The following HIVEP3 variants were observed in gnomAD, a reference collection of about 807,000 sequenced individuals.
The protein encoded by HIVEP3 is HIVEP zinc finger 3, also known as transcription factor HIVEP3.
Under a neutral mutation model 152.8 loss-of-function variants are expected in HIVEP3, and 49 were observed. That is an observed-to-expected ratio of 0.32 (90% CI 0.26 to 0.41). The LOEUF (loss-of-function observed/expected upper bound fraction) is 0.41. HIVEP3 is among the 10% of genes least tolerant of loss of function. The pLI, the probability that HIVEP3 is intolerant of heterozygous loss-of-function variation, is 1.00. For missense variants in HIVEP3, 2,790 were observed against 3,103.3 expected, an observed-to-expected ratio of 0.90 and a Z score of 2.40; for synonymous variants, 1,269 against 1,289.0, an observed-to-expected ratio of 0.98 and a Z score of 0.33.
intron 2 of HIVEP3, among the ~76,000 whole-genome samples, chr1:41,680,684 C>T (rs1190511636): frequency 3.9e-5 from 6 of 152,316 alleles, no homozygotes; most frequent in South Asian, 4.1e-4. Flanking sequence ...CCTAATCAAC[C>T]GGCATCAAGT....
intron 1 of HIVEP3, among the ~76,000 whole-genome samples, chr1:41,866,289 G>A (rs1643971277): frequency 6.6e-6 from 1 of 152,244 alleles, no homozygotes; most frequent in African/African-American, 2.4e-5. Context: ...CAGCTTCAGG[G>A]ACAGGGGATG....
chr1:41,908,362 T>C (rs1644746360), intron 1 of HIVEP3, among the ~76,000 whole-genome samples: 1 of 152,196 alleles, frequency 6.6e-6, no homozygotes, highest in South Asian at 2.1e-4. Flanking sequence ...CTCAATATCA[T>C]TCACTTCTAG....
At chr1:41,658,136 C>T (rs1016596535) in intron 2 of HIVEP3, among the ~76,000 whole-genome samples, 3 of 152,148 alleles carry the variant, frequency 2.0e-5, no homozygotes, top group Admixed American at 6.6e-5. Flanking sequence ...CTGGAAGGTT[C>T]GAAAATGTTT....
At chr1:41,900,418 G>T (rs12070375) in intron 1 of HIVEP3, among the ~76,000 whole-genome samples, 2 of 152,196 alleles carry the variant, frequency 1.3e-5, no homozygotes, top group Non-Finnish European at 2.9e-5. Context: ...TCCCTTGGGG[G>T]TAGAGTATTT....
intron 1 of HIVEP3, among the ~76,000 whole-genome samples, chr1:41,975,097 C>T (rs1329247608): frequency 6.6e-6 from 1 of 152,146 alleles, no homozygotes; most frequent in Non-Finnish European, 1.5e-5. Flanking sequence ...ATATAAAGAC[C>T]TGGAGACCTG....
At chr1:41,720,019 CTG>C (rs1400115447) in intron 1 of HIVEP3, among the ~76,000 whole-genome samples, 1 of 152,204 alleles carries the variant, frequency 6.6e-6, no homozygotes, top group Non-Finnish European at 1.5e-5. Context: ...AGGACTCAAA[CTG>C]TGGAGCGGGG....
chr1:41,513,193 G>A lies in HIVEP3; in HGVS notation c.6028C>T (p.Pro2010Ser), dbSNP rs1642491039. 6.2e-7 allele frequency: 1 copy of A among 1,613,912 alleles called. No homozygotes were observed. The highest frequency in any genetic ancestry group is 1.1e-5 in the South Asian group (1 of 91,076). The change falls in exon 8 of 9, where the codon CCA becomes TCA. Residue 2010 changes from proline (P) to serine (S), a missense_variant. This residue lies in a region of HIVEP3 where 816 missense variants were observed against 806.5 expected (regional missense o/e 1.01). Coordinates refer to ENST00000372583, the MANE Select transcript of HIVEP3 (RefSeq NM_024503.5). ...CCTGGGTCCACGTGCAGGCCAGGTG[G>A]GCTTGGGGCTGAGGCCTGTGGTTCT... is the stretch of plus-strand genomic sequence containing the variant. ...AREPQASAPSPPGLHVDPGRG... is the reference protein window; with the variant it reads ...AREPQASAPSSPGLHVDPGRG...
chr1:41,947,276 C>T (rs1645080349), intron 1 of HIVEP3, among the ~76,000 whole-genome samples: 1 of 152,210 alleles, frequency 6.6e-6, no homozygotes, highest in South Asian at 2.1e-4. Flanking sequence ...GCCATCAAGC[C>T]ACCCAAGCGC....
chr1:41,680,146 GC>G (rs1646016776), intron 2 of HIVEP3, among the ~76,000 whole-genome samples: 2 of 152,184 alleles, frequency 1.3e-5, no homozygotes, highest in African/African-American at 4.8e-5. Context: ...GACCATGTGG[GC>G]CAGACAGCTA....
intron 3 of HIVEP3, among the ~76,000 whole-genome samples, chr1:41,597,330 C>T (rs914147282): frequency 6.6e-6 from 1 of 152,156 alleles, no homozygotes; most frequent in Admixed American, 6.5e-5. Context: ...AATGATGTAG[C>T]AAAAACTCTA....
At chr1:41,644,693 CTTTTTT>C (rs60511656) in intron 2 of HIVEP3, among the ~76,000 whole-genome samples, 2 of 74,738 alleles carry the variant, frequency 2.7e-5, no homozygotes, top group South Asian at 5.1e-4. Context: ...CATATCTGTT[CTTTTTT>C]TTTTTTTTTT....
chr1:41,851,836 CT>C (rs112269573), intron 1 of HIVEP3, among the ~76,000 whole-genome samples: 44 of 152,280 alleles, frequency 2.9e-4, no homozygotes, highest in Middle Eastern at 3.4e-3. Context: ...AGAAAGCATG[CT>C]GGTGAGTCAG....
chr1:41,543,312 T>C (rs770604336), intron 5 of HIVEP3: 4 of 152,240 alleles, frequency 2.6e-5, no homozygotes, highest in Non-Finnish European at 5.9e-5. Flanking sequence ...GATGGACAGA[T>C]GGTTTTCACG....
intron 1 of HIVEP3, among the ~76,000 whole-genome samples, chr1:41,969,115 G>A (rs1177927508): frequency 3.9e-5 from 6 of 152,088 alleles, no homozygotes; most frequent in South Asian, 2.1e-4. Context: ...AATCAATATC[G>A]TGAAAATGGC....
At chr1:41,771,535 C>A (rs544292056) in intron 1 of HIVEP3, among the ~76,000 whole-genome samples, 1 of 152,206 alleles carries the variant, frequency 6.6e-6, no homozygotes, top group Non-Finnish European at 1.5e-5. Flanking sequence ...GTGTCTACCC[C>A]TCCTTGCTGG....
Position 41,581,272 on chromosome 1 carries a change from A to G in HIVEP3, c.3526T>C (p.Tyr1176His), listed in dbSNP as rs765052519. Reference sequence around the variant, plus strand: ...GAGGGAGGAAGTGGGGGCATGGAGTATGGTGAGGACAGGAGGCTGGACATG... The same window carrying G: ...GAGGGAGGAAGTGGGGGCATGGAGTGTGGTGAGGACAGGAGGCTGGACATG... ...QAMSSLLSSP[Y>H]SMPPLPPSLF... The change falls in exon 4 of 9, where the codon TAC becomes CAC. Residue 1176 changes from tyrosine to histidine, a missense_variant. This residue lies in a region of HIVEP3 where 1,078 missense variants were observed against 1,165.3 expected (regional missense o/e 0.93). Coordinates refer to ENST00000372583, the MANE Select transcript of HIVEP3 (RefSeq NM_024503.5). This position sits in a 1 kb window ranked among gnomAD's most constrained non-coding sequence, Gnocchi z 4.5. 2 of 1,605,196 alleles carry G rather than the reference A, an allele frequency of 1.2e-6. No individual in the cohort carries two copies. The highest frequency in any genetic ancestry group is 1.1e-5 in the South Asian group (1 of 89,292).
At chr1:41,551,441 T>C (rs1643893213) in intron 5 of HIVEP3, among the ~76,000 whole-genome samples, 1 of 152,204 alleles carries the variant, frequency 6.6e-6, no homozygotes, top group African/African-American at 2.4e-5. Context: ...TGGAATCGTT[T>C]AAGAAGCAGT....
chr1:41,595,367 T>C (rs1644649680), intron 3 of HIVEP3, among the ~76,000 whole-genome samples: 1 of 152,192 alleles, frequency 6.6e-6, no homozygotes, highest in Non-Finnish European at 1.5e-5. Context: ...CCTGTCAAAA[T>C]AGGGCCCACC....
chr1:41,506,576 C>T lies in HIVEP3; in HGVS notation c.*3875G>A, dbSNP rs1644383407. 1 of 148,414 alleles carries T rather than the reference C, an allele frequency of 6.7e-6. No individual in the cohort carries two copies. Among genetic ancestry groups the T allele is most frequent in the African/African-American group, 2.5e-5 (1 of 40,522 alleles). 9.2% of individuals were successfully genotyped at this position (148,414 alleles called of 1,614,324 possible). On this transcript the variant is annotated 3_prime_UTR_variant, in exon 9 of 9. Coordinates refer to ENST00000372583, the MANE Select transcript of HIVEP3 (RefSeq NM_024503.5). Reference sequence around the variant, plus strand: ...TGTACGTCAGACTCTGTGCTTTAGACCTGCGTGGATTTTTGTTTTTTTTTT... The same window carrying T: ...TGTACGTCAGACTCTGTGCTTTAGATCTGCGTGGATTTTTGTTTTTTTTTT...
Sources: gnomAD v4.1 joint callset for allele counts (sites outside exome capture counted in the v4.1 genomes callset) on GRCh38, gnomAD v4.1.1 for gene constraint, gnomAD v4.1.1 regional missense constraint, Gnocchi (gnomAD v3.1) non-coding constraint, MANE v1.5 for transcripts, NCBI Gene and HGNC (gene_info 2026-07-23, HGNC 2026-07-21) for gene names.